Variants in MTUS1 observed in about 807,000 individuals in gnomAD.
MTUS1 encodes microtubule-associated tumor suppressor 1.
Under a neutral mutation model 120.8 loss-of-function variants are expected in MTUS1, and 109 were observed. That is an observed-to-expected ratio of 0.90 (90% CI 0.77 to 1.06). The LOEUF (loss-of-function observed/expected upper bound fraction) is 1.06. MTUS1 is among the 50% of genes least tolerant of loss of function. MTUS1 has a pLI of 0.00. For synonymous variants in MTUS1, 737 were observed against 550.5 expected, an observed-to-expected ratio of 1.34 and a Z score of -4.74; for missense variants, 2,210 against 1,486.3, an observed-to-expected ratio of 1.49 and a Z score of -8.01.
Position 17,644,812 on chromosome 8 carries a change from G to GT in MTUS1, c.*1113_*1114insA, listed in dbSNP as rs1345690044. The GT allele has an allele frequency of 6.6e-6, 1 of 152,164 alleles. No individual in the cohort carries two copies. The highest frequency in any genetic ancestry group is 2.4e-5 in the African/African-American group (1 of 41,442). 9.4% of individuals were successfully genotyped at this position (152,164 alleles called of 1,614,324 possible). Reference sequence around the variant, plus strand: ...CCAGGCTTTAGTTTATTTGGAAAGTGGTTTCAGCACCTGGAAGATGAGCTG... The same window carrying GT: ...CCAGGCTTTAGTTTATTTGGAAAGTGTGTTTCAGCACCTGGAAGATGAGCTG... On this transcript the variant is annotated 3_prime_UTR_variant, in exon 15 of 15. Coordinates refer to ENST00000693296, the MANE Select transcript of MTUS1 (RefSeq NM_001363059.2).
intron 1 of MTUS1, among the ~76,000 whole-genome samples, chr8:17,776,907 T>A (rs2050486966): frequency 6.6e-6 from 1 of 152,148 alleles, no homozygotes; most frequent in South Asian, 2.1e-4. Flanking sequence ...TAAGACCTAA[T>A]TGTAATTGCG....
rs1299161009 is a variant in MTUS1 at position 17,653,226 on chromosome 8, G to T, written c.3344C>A (p.Ser1115Ter). 1.9e-6 allele frequency: 3 copies of T among 1,556,294 alleles called. No individual in the cohort carries two copies. Among genetic ancestry groups the T allele is most frequent in the Non-Finnish European group, 2.6e-6 (3 of 1,155,262 alleles). ...TCTTGCTCTTCTTTTTTGTTCTTCTGATTTCAATTTTTCATTTAAAGCATC... is the reference window on the plus strand; with the variant it reads ...TCTTGCTCTTCTTTTTTGTTCTTCTTATTTCAATTTTTCATTTAAAGCATC... Reference protein sequence around the residue: ...ENDALNEKLKSEEQKRRAREK... With the variant: ...ENDALNEKLK The change falls in exon 12 of 15, where the codon TCA becomes TAA. Residue 1115 changes from serine to a stop codon, truncating the protein, a stop_gained. Transcript: ENST00000693296. LOFTEE classifies it high-confidence loss of function.
intron 10 of MTUS1, chr8:17,654,351 C>A (rs1375666249): frequency 1.6e-5 from 9 of 573,332 alleles, no homozygotes; most frequent in Non-Finnish European, 2.8e-5. Context: ...CTATTTAACA[C>A]AAGGCTGGCA....
chr8:17,775,010 A>G (rs2131476869), intron 1 of MTUS1, among the ~76,000 whole-genome samples: 1 of 150,492 alleles, frequency 6.6e-6, no homozygotes, highest in Non-Finnish European at 1.5e-5. Context: ...AAGGACAAAT[A>G]TTGGATGATT....
intron 4 of MTUS1, chr8:17,721,957 T>G: frequency 1.3e-6 from 2 of 1,549,782 alleles, no homozygotes; most frequent in Non-Finnish European, 1.7e-6. Flanking sequence ...TTCACTCTCA[T>G]ATCCCTCATG....
At chr8:17,772,346 A>C (rs1161594362) in intron 1 of MTUS1, among the ~76,000 whole-genome samples, 2 of 152,228 alleles carry the variant, frequency 1.3e-5, no homozygotes, top group African/African-American at 2.4e-5. Context: ...CTACAGGTGA[A>C]AACAAGAATA....
At chr8:17,696,799 T>C (rs187179097) in intron 6 of MTUS1, among the ~76,000 whole-genome samples, 7 of 152,362 alleles carry the variant, frequency 4.6e-5, no homozygotes, top group Admixed American at 4.6e-4. Flanking sequence ...GTGTTTAGTA[T>C]ACAGAAATCT....
chr8:17,793,499 A>G (rs1250146574), intron 1 of MTUS1, among the ~76,000 whole-genome samples: 1 of 152,208 alleles, frequency 6.6e-6, no homozygotes, highest in Non-Finnish European at 1.5e-5. Flanking sequence ...AGAATTTCAA[A>G]TTCCCATGCC....
At position 17,644,937 on chromosome 8, in the gene MTUS1, A is replaced by C. The variant is rs1211178734; in HGVS notation, c.*989T>G. 1 of 152,300 alleles carries C rather than the reference A, an allele frequency of 6.6e-6. No homozygotes were observed. Among genetic ancestry groups the C allele is most frequent in the African/African-American group, 2.4e-5 (1 of 41,444 alleles). 9.4% of individuals were successfully genotyped at this position (152,300 alleles called of 1,614,324 possible). On this transcript the variant is annotated 3_prime_UTR_variant, in exon 15 of 15. Coordinates refer to ENST00000693296, the MANE Select transcript of MTUS1 (RefSeq NM_001363059.2). The stretch of plus-strand genomic sequence containing the variant: ...TTTTGTGGCTCTGGATGGTGGAGAA[A>C]GGTAAAAGGAAAATGAGAATAATGG...
intron 5 of MTUS1, among the ~76,000 whole-genome samples, 193 bp from the exon 6 acceptor site, chr8:17,713,445 A>T (rs1268552346): frequency 6.6e-6 from 1 of 152,200 alleles, no homozygotes; most frequent in East Asian, 1.9e-4. Context: ...TTCACATAAC[A>T]TCAAAATGTT....
At position 17,755,620 on chromosome 8, in the gene MTUS1, G is replaced by A. The variant is rs868178696; in HGVS notation, c.188C>T (p.Ala63Val). 1.2e-6 allele frequency: 2 copies of A among 1,614,080 alleles called. No homozygotes were observed. Among genetic ancestry groups the A allele is most frequent in the Non-Finnish European group, 1.7e-6 (2 of 1,180,024 alleles). Residue 63 changes from alanine to valine, a missense_variant, in exon 2 of 15, where the codon GCT (alanine) becomes GTT (valine). Transcript: ENST00000693296. Reference protein sequence around the residue: ...DMVVDYETDPAVVTGENISLS... With the variant: ...DMVVDYETDPVVVTGENISLS... ...AGAAATATTTTCACCAGTAACTACA[G>A]CAGGGTCAGTTTCATAATCAACCAC...
chr8:17,693,013 G>A (rs550809453), intron 6 of MTUS1, among the ~76,000 whole-genome samples: 1 of 152,292 alleles, frequency 6.6e-6, no homozygotes, highest in South Asian at 2.1e-4. Flanking sequence ...TTAGCGTACT[G>A]AATTGCCTTC....
intron 14 of MTUS1, 31 bp downstream of exon 14, chr8:17,646,951 C>G (rs765173057): frequency 2.6e-6 from 4 of 1,549,700 alleles, no homozygotes; most frequent in Non-Finnish European, 3.6e-6. Flanking sequence ...GAGCGGGGAG[C>G]TCGGGAGAAA....
intron 5 of MTUS1, among the ~76,000 whole-genome samples, chr8:17,713,651 C>T (rs1008355257): frequency 6.6e-6 from 1 of 152,058 alleles, no homozygotes; most frequent in African/African-American, 2.4e-5. Flanking sequence ...GTGTGCTTTC[C>T]GAAACTACCC....
chr8:17,777,082 T>A (rs1454747931), intron 1 of MTUS1, among the ~76,000 whole-genome samples: 1 of 152,116 alleles, frequency 6.6e-6, no homozygotes, highest in Non-Finnish European at 1.5e-5. Context: ...GAATTAGCCC[T>A]CGTGCAGACA....
At chr8:17,655,821 C>T in intron 9 of MTUS1, 42 bp downstream of exon 9, 1 of 1,566,750 alleles carries the variant, frequency 6.4e-7, no homozygotes, top group Non-Finnish European at 8.8e-7. Flanking sequence ...TTCAAGTAAG[C>T]AGCAGAGGCC....
At chr8:17,648,317 G>C (rs999035770) in intron 13 of MTUS1, among the ~76,000 whole-genome samples, 3 of 152,194 alleles carry the variant, frequency 2.0e-5, no homozygotes, top group African/African-American at 4.8e-5. Context: ...CAAGGCTGAA[G>C]GATATTATCA....
chr8:17,730,669 G>C (rs1313365553), intron 3 of MTUS1, among the ~76,000 whole-genome samples: 1 of 152,138 alleles, frequency 6.6e-6, no homozygotes, highest in African/African-American at 2.4e-5. Flanking sequence ...AAAGGAAGTT[G>C]ACACATGCTA....
chr8:17,646,046 C>T lies in MTUS1; in HGVS notation c.3693G>A (p.Leu1231=). The T allele has an allele frequency of 2.5e-6, 4 of 1,613,712 alleles. No individual in the cohort carries two copies. The South Asian group carries it at 4.4e-5, about 18-fold the overall frequency. The change falls in exon 15 of 15, where the codon CTG becomes CTA. Residue 1231 remains leucine (L), a synonymous_variant. Coordinates refer to ENST00000693296, the MANE Select transcript of MTUS1 (RefSeq NM_001363059.2). ...ACAGGTCCCCATTGTGCAGTTTCCA[C>T]AGAAGCTCCTCGTTTTCCATAGAGA... ...KRLSMENEEL[L]WKLHNGDLCS...
Sources: gnomAD v4.1 joint callset for allele counts (sites outside exome capture counted in the v4.1 genomes callset) on GRCh38, gnomAD v4.1.1 for gene constraint, MANE v1.5 for transcripts, NCBI Gene and HGNC (gene_info 2026-07-23, HGNC 2026-07-21) for gene names.